MYH13: variants seen among roughly 807,000 people sequenced by gnomAD.
MYH13 encodes the protein myosin heavy chain 13.
A neutral mutation model predicts 232.1 loss-of-function variants in MYH13; 177 were observed. The ratio of observed to expected loss-of-function variants is 0.76; its 90% CI spans 0.67 to 0.86. The LOEUF (loss-of-function observed/expected upper bound fraction) is 0.86. Ranked by LOEUF, MYH13 falls within the 40% of genes least tolerant of loss-of-function variation. MYH13 has a pLI of 0.00. For missense variants in MYH13, 2,246 were observed against 2,405.9 expected (o/e 0.93, Z 1.39); for synonymous variants, 884 against 923.5 (o/e 0.96, Z 0.78).
At chr17:10,358,508 A>C (rs2071766601) in intron 7 of MYH13, among the ~76,000 whole-genome samples, 1 of 152,152 alleles carries the variant, frequency 6.6e-6, no homozygotes. Context: ...ACTCGTAATT[A>C]GCACTTTGGA....
intron 33 of MYH13, among the ~76,000 whole-genome samples, chr17:10,310,362 G>A (rs541487243): frequency 4.5e-4 from 69 of 152,160 alleles, no homozygotes; most frequent in South Asian, 2.5e-3. Flanking sequence ...CAAAGTACTA[G>A]GATTACAGTT....
chr17:10,320,115 A>G, intron 26 of MYH13, 38 bp downstream of exon 26: 2 of 1,500,424 alleles, frequency 1.3e-6, no homozygotes, highest in Non-Finnish European at 9.1e-7. Context: ...GCTCTTGCAA[A>G]GGGATTGTCA....
intron 8 of MYH13, among the ~76,000 whole-genome samples, chr17:10,355,931 C>T (rs1408234611): frequency 1.5e-5 from 2 of 136,518 alleles, no homozygotes; most frequent in Non-Finnish European, 3.1e-5. Flanking sequence ...TGGCTGACTA[C>T]AGACAAATCT....
chr17:10,340,612 G>T (rs564663198), intron 16 of MYH13, among the ~76,000 whole-genome samples: 3 of 151,954 alleles, frequency 2.0e-5, no homozygotes, highest in Non-Finnish European at 2.9e-5. Flanking sequence ...TCCACCTCCC[G>T]GGTTCAAGCC....
chr17:10,359,405 CT>C (rs2071773665), intron 7 of MYH13, among the ~76,000 whole-genome samples: 1 of 152,180 alleles, frequency 6.6e-6, no homozygotes, highest in African/African-American at 2.4e-5. Flanking sequence ...AGGATGTCAC[CT>C]GCAGAGACCC....
At chr17:10,351,048 C>A (rs755422231) in intron 11 of MYH13, among the ~76,000 whole-genome samples, 7 of 151,578 alleles carry the variant, frequency 4.6e-5, no homozygotes, top group Non-Finnish European at 7.4e-5. Context: ...GGCGACGCTC[C>A]ATCTCTACTA....
intron 2 of MYH13, among the ~76,000 whole-genome samples, chr17:10,368,836 GACTTAGCGTTAAGCATGAT>G (rs1009956413): frequency 2.0e-5 from 3 of 152,200 alleles, no homozygotes; most frequent in Non-Finnish European, 4.4e-5. Context: ...TATGTAGCTT[GACTTAGCGTTAAGCATGAT>G]ACCCAAAAGT....
At chr17:10,351,003 C>G (rs1435811826) in intron 11 of MYH13, among the ~76,000 whole-genome samples, 7 of 151,794 alleles carry the variant, frequency 4.6e-5, no homozygotes, top group Admixed American at 4.6e-4. Context: ...AGGCAGATTA[C>G]GAGGTCAGGA....
In MYH13 at chr17:10,319,174, G is replaced by T. The variant is rs1597889117; in HGVS notation, c.3354C>A (p.Arg1118=). The change falls in exon 27 of 41, where the codon CGC becomes CGA. Residue 1118 remains arginine, a synonymous_variant. Coordinates refer to ENST00000252172, the MANE Select transcript of MYH13 (RefSeq NM_003802.3). ...FQKKIKELQA[R]IEELEEEIEA... ...CAATTTCCTCCTCCAGCTCTTCTATGCGGGCCTGAAAGGATTACTCTATCA... is the reference window on the plus strand; with the variant it reads ...CAATTTCCTCCTCCAGCTCTTCTATTCGGGCCTGAAAGGATTACTCTATCA... 1 of 1,613,504 alleles carries T rather than the reference G, an allele frequency of 6.2e-7. No homozygotes were observed. Among genetic ancestry groups the T allele is most frequent in the Non-Finnish European group, 8.5e-7 (1 of 1,179,774 alleles).
rs569025385 is a variant in MYH13 at position 10,366,688 on chromosome 17, C to T, written c.-12-2146G>A. ...AAGCCTCCATGCCCCGCCTGAAATACGTCATATTTTTTGAATAAGGTCTTT... is the reference window on the plus strand; with the variant it reads ...AAGCCTCCATGCCCCGCCTGAAATATGTCATATTTTTTGAATAAGGTCTTT... On this transcript the variant is annotated intron_variant, in intron 2 of 40. Coordinates refer to ENST00000252172, the MANE Select transcript of MYH13 (RefSeq NM_003802.3). 2.0e-5 allele frequency among the ~76,000 whole-genome samples: 3 copies of T among 152,152 alleles called. No individual in the cohort carries two copies. The South Asian group carries it at 6.2e-4, about 32-fold the overall frequency.
At position 10,313,488 on chromosome 17, in the gene MYH13, T is replaced by G. The variant is rs143256188; in HGVS notation, c.3985-134A>C. 7.7e-3 allele frequency: 10,245 copies of G among 1,327,028 alleles called. 55 individuals carry two copies. The highest frequency in any genetic ancestry group is 9.3e-3 in the Non-Finnish European group (9,183 of 988,642). 82.2% of individuals were successfully genotyped at this position (1,327,028 alleles called of 1,614,324 possible). A position where few individuals can be genotyped will look rare whatever the true frequency, so the allele number is the denominator to read the frequency against. On this transcript the variant is annotated intron_variant, in intron 29 of 40. Transcript: ENST00000252172. ...TCACCAATTTTGCCATATCAGCATA[T>G]CACCTGGTTTATTTAATTTTTTTTC... is the stretch of plus-strand genomic sequence containing the variant.
rs1403782795 is a variant in MYH13, at chr17:10,354,802, C to A, written c.902-19G>T. Reference sequence around the variant, plus strand: ...AGCAGGTCTGTGAAACACAGATATCCCTTTAATGGCTTATGCATAACTTAC... The same window carrying A: ...AGCAGGTCTGTGAAACACAGATATCACTTTAATGGCTTATGCATAACTTAC... On this transcript the variant is annotated intron_variant, in intron 10 of 40. Transcript: ENST00000252172. 2 of 1,609,130 alleles carry A rather than the reference C, an allele frequency of 1.2e-6. No individual in the cohort carries two copies. Among genetic ancestry groups the A allele is most frequent in the Middle Eastern group, 1.7e-4 (1 of 6,056 alleles).
At position 10,345,364 on chromosome 17, in the gene MYH13, G is replaced by C; in HGVS notation, c.1422C>G (p.Ser474Arg). 1.2e-6 allele frequency: 2 copies of C among 1,614,240 alleles called. No individual in the cohort carries two copies. The highest frequency in any genetic ancestry group is 8.5e-7 in the Non-Finnish European group (1 of 1,180,054). ...TGAAGTTGATGCACAGCTGCTCCAG[G>C]CTGTTGAACTGGGTGATTCAAATAC... The part of the protein sequence containing the change: ...IAGFEIFDFN[S>R]LEQLCINFTN... Residue 474 changes from serine (S) to arginine (R), a missense_variant, in exon 15 of 41, where the codon AGC becomes AGG. By Grantham distance (110) the Ser-to-Arg change is moderately radical (BLOSUM62 -1). Coordinates refer to ENST00000252172, the MANE Select transcript of MYH13 (RefSeq NM_003802.3).
intron 30 of MYH13, 113 bp from the exon 31 acceptor site, chr17:10,312,870 C>G: frequency 1.6e-6 from 2 of 1,264,580 alleles, no homozygotes; most frequent in Non-Finnish European, 2.1e-6. Context: ...TTTGATGAGA[C>G]CAAGACCTAG....
Position 10,364,357 on chromosome 17 carries a change from G to A in MYH13, c.174C>T (p.Asp58=), listed in dbSNP as rs1315574147. 1 of 1,613,872 alleles carries A rather than the reference G, an allele frequency of 6.2e-7. No homozygotes were observed. Among genetic ancestry groups the A allele is most frequent in the Admixed American group, 1.7e-5 (1 of 60,020 alleles). ...CATCGAGGGTCTTGACTATGACTTT[G>A]TCATTTTCCCTAGTCTGGATCATGC... is the stretch of plus-strand genomic sequence containing the variant. ...VKGMIQTREN[D]KVIVKTLDDR... is the part of the protein sequence containing the mutation. The change falls in exon 3 of 41, where the codon GAC becomes GAT. Residue 58 remains aspartate (D), a synonymous_variant. Transcript: ENST00000252172.
chr17:10,364,483 G>T lies in MYH13; in HGVS notation c.48C>A (p.Tyr16Ter). The change falls in exon 3 of 41, where the codon TAC becomes TAA. Residue 16 changes from tyrosine to a stop codon, truncating the protein, a stop_gained. Coordinates refer to ENST00000252172, the MANE Select transcript of MYH13 (RefSeq NM_003802.3). LOFTEE classifies it high-confidence loss of function. ...EMAIFGEAAPYLRKPEKERIE... is the reference protein window; with the variant it reads ...EMAIFGEAAP ...TTCTCTCCTTCTCTGGTTTCCGGAG[G>T]TAGGGAGCTGCTTCTCCAAAAATGG... 6.2e-7 allele frequency: 1 copy of T among 1,610,160 alleles called. No individual in the cohort carries two copies. The highest frequency in any genetic ancestry group is 8.5e-7 in the Non-Finnish European group (1 of 1,178,116).
chr17:10,320,660 C>T, intron 24 of MYH13, 164 bp from the exon 25 acceptor site: 1 of 753,648 alleles, frequency 1.3e-6, no homozygotes, highest in Non-Finnish European at 2.1e-6. Context: ...CCTACCTCCC[C>T]TCTCTTCTGT....
intron 1 of MYH13, among the ~76,000 whole-genome samples, chr17:10,372,520 A>C (rs984117651): frequency 6.6e-6 from 1 of 152,236 alleles, no homozygotes; most frequent in African/African-American, 2.4e-5. Context: ...ACTTTGTAAG[A>C]TGGGTAAGAT....
At chr17:10,337,792 CGCCT>C (rs1426371092) in intron 18 of MYH13, among the ~76,000 whole-genome samples, 2 of 152,206 alleles carry the variant, frequency 1.3e-5, no homozygotes, top group Admixed American at 6.5e-5. Context: ...CGGTGGCTCA[CGCCT>C]GTAATCCCAG....
Sources: allele counts gnomAD v4.1 joint callset (sites outside exome capture counted in the v4.1 genomes callset), GRCh38; gene constraint gnomAD v4.1.1; transcripts MANE v1.5; gene names NCBI Gene and HGNC (gene_info 2026-07-23, HGNC 2026-07-21).